Variants in ZDHHC17 observed in about 807,000 individuals in gnomAD.
ZDHHC17 encodes zDHHC palmitoyltransferase 17, also known as palmitoyltransferase ZDHHC17.
In ZDHHC17, 40 loss-of-function variants were observed where a neutral mutation model predicts 90.3. That is an observed-to-expected ratio of 0.44 (90% CI 0.34 to 0.58). The LOEUF (loss-of-function observed/expected upper bound fraction) is 0.58. ZDHHC17 is among the 20% of genes least tolerant of loss of function. ZDHHC17 has a pLI of 0.01. For missense variants in ZDHHC17, 614 were observed against 780.8 expected (o/e 0.79, Z 2.55); for synonymous variants, 235 against 252.4 (o/e 0.93, Z 0.65).
intron 7 of ZDHHC17, among the ~76,000 whole-genome samples, chr12:76,817,735 A>G (rs1953106945): frequency 6.6e-6 from 1 of 152,124 alleles, no homozygotes; most frequent in Non-Finnish European, 1.5e-5. Context: ...AAACTTTTAA[A>G]TTACTCTTAG....
intron 1 of ZDHHC17, among the ~76,000 whole-genome samples, chr12:76,781,003 A>G (rs1036257979): frequency 1.3e-5 from 2 of 151,952 alleles, no homozygotes; most frequent in Non-Finnish European, 2.9e-5. Context: ...GCGTGGTAGC[A>G]GGCGCCCGTA....
At chr12:76,805,570 T>TG in intron 3 of ZDHHC17, 131 bp downstream of exon 3, 2 of 870,158 alleles carry the variant, frequency 2.3e-6, no homozygotes, top group Non-Finnish European at 3.4e-6. Context: ...CTGTGTACCT[T>TG]GTTTTTCTGA....
In ZDHHC17 at chr12:76,764,125, CAGG is replaced by C. The variant is rs1952394611; in HGVS notation, c.-109_-107del. ...GGGGACAGAGGGGGCGTCACGGGGG[CAGG>C]AGAAGAAGGAGGAGGAGGCCCGCGT... On this transcript the variant is annotated 5_prime_UTR_variant, in exon 1 of 17. Coordinates refer to ENST00000426126, the MANE Select transcript of ZDHHC17 (RefSeq NM_015336.4). 1 of 795,868 alleles carries C rather than the reference CAGG, an allele frequency of 1.3e-6. No individual in the cohort carries two copies. The highest frequency in any genetic ancestry group is 3.9e-4 in the Middle Eastern group (1 of 2,574). 49.3% of individuals were successfully genotyped at this position (795,868 alleles called of 1,614,324 possible).
At chr12:76,812,182 C>T (rs1350180280) in intron 5 of ZDHHC17, among the ~76,000 whole-genome samples, 1 of 152,154 alleles carries the variant, frequency 6.6e-6, no homozygotes, top group Non-Finnish European at 1.5e-5. Context: ...AGACACTCTT[C>T]CAATGTGCAT....
intron 10 of ZDHHC17, among the ~76,000 whole-genome samples, chr12:76,831,832 G>T (rs1256044214): frequency 1.3e-5 from 2 of 152,242 alleles, no homozygotes; most frequent in South Asian, 2.1e-4. Context: ...TTTTTGTAGA[G>T]ACTGAGTTTT....
intron 12 of ZDHHC17, 42 bp downstream of exon 12, chr12:76,843,023 C>T (rs745819263): frequency 5.3e-6 from 8 of 1,520,022 alleles, no homozygotes; most frequent in South Asian, 1.2e-5. Context: ...TCTCTTCCTC[C>T]TGACAGTGGC....
chr12:76,801,150 T>C (rs2137750935), intron 2 of ZDHHC17, among the ~76,000 whole-genome samples: 1 of 151,354 alleles, frequency 6.6e-6, no homozygotes, highest in Non-Finnish European at 1.5e-5. Flanking sequence ...CCTCCCAAAG[T>C]GCTGGGATTA....
At position 76,794,634 on chromosome 12, in the gene ZDHHC17, G is replaced by A. The variant is rs114914101; in HGVS notation, c.94-2800G>A. Among the ~76,000 whole-genome samples the A allele has an allele frequency of 4.9e-3, 742 of 152,026 alleles. 4 individuals carry two copies. The highest frequency in any genetic ancestry group is 0.016 in the African/African-American group (663 of 41,464). On this transcript the variant is annotated intron_variant, in intron 1 of 16. Coordinates refer to ENST00000426126, the MANE Select transcript of ZDHHC17 (RefSeq NM_015336.4). Reference sequence around the variant, plus strand: ...CTAAGGAAATAAAAACAACCTTATCGGAGGCACAAAACAGATACTTACATA... The same window carrying A: ...CTAAGGAAATAAAAACAACCTTATCAGAGGCACAAAACAGATACTTACATA...
chr12:76,832,303 G>T (rs970764197), intron 10 of ZDHHC17, among the ~76,000 whole-genome samples: 1 of 152,148 alleles, frequency 6.6e-6, no homozygotes, highest in African/African-American at 2.4e-5. Context: ...ATGACCTCAG[G>T]CTCCTTTCTG....
intron 7 of ZDHHC17, among the ~76,000 whole-genome samples, chr12:76,819,235 A>T (rs1953129703): frequency 6.6e-6 from 1 of 152,188 alleles, no homozygotes; most frequent in Non-Finnish European, 1.5e-5. Flanking sequence ...TTTAATTTGA[A>T]GTGGTGTCTT....
intron 14 of ZDHHC17, 101 bp downstream of exon 14, chr12:76,846,780 C>T (rs1016892064): frequency 1.3e-4 from 135 of 1,069,304 alleles, no homozygotes; most frequent in Non-Finnish European, 1.7e-4. Flanking sequence ...GGTCGTTTAA[C>T]TAAAATTATG....
At position 76,851,969 on chromosome 12, in the gene ZDHHC17, A is replaced by G. The variant is rs702062; in HGVS notation, c.*984A>G. 0.61 allele frequency: 92,645 copies of G among 151,876 alleles called. 28,271 individuals carry two copies. The highest frequency in any genetic ancestry group is 0.67 in the East Asian group (3,442 of 5,138). The allele number at this position is 151,876 out of a possible 1,614,324, so 9.4% of individuals were successfully genotyped here. On this transcript the variant is annotated 3_prime_UTR_variant, in exon 17 of 17. Transcript: ENST00000426126. Reference sequence around the variant, plus strand: ...TTTAACTAAAGATGGAGCATGATCTAAGTACATAGCACATGTGAATAAAAG... The same window carrying G: ...TTTAACTAAAGATGGAGCATGATCTGAGTACATAGCACATGTGAATAAAAG...
intron 1 of ZDHHC17, among the ~76,000 whole-genome samples, chr12:76,768,049 T>A (rs1364736694): frequency 6.6e-6 from 1 of 152,254 alleles, no homozygotes; most frequent in African/African-American, 2.4e-5. Context: ...TTGTGAATAT[T>A]AACTAGGCTA....
rs543929457 is a variant in ZDHHC17, at chr12:76,819,227, T to C, written c.772-3179T>C. ...GGAATTGGTTCTGTTTGGTAATATT[T>C]AATTTGAAGTGGTGTCTTAGCCGTG... On this transcript the variant is annotated intron_variant, in intron 7 of 16. Transcript: ENST00000426126. Among the ~76,000 whole-genome samples, 213 of 152,312 alleles carry C rather than the reference T, an allele frequency of 1.4e-3. 1 individual carries two copies. Among genetic ancestry groups the C allele is most frequent in the African/African-American group, 4.8e-3 (200 of 41,570 alleles).
At chr12:76,775,298 A>G (rs1379384576) in intron 1 of ZDHHC17, among the ~76,000 whole-genome samples, 1 of 152,218 alleles carries the variant, frequency 6.6e-6, no homozygotes, top group African/African-American at 2.4e-5. Flanking sequence ...GGCTTGGAGA[A>G]GGAAATCCTA....
intron 2 of ZDHHC17, among the ~76,000 whole-genome samples, chr12:76,802,488 A>C (rs1002476623): frequency 6.6e-6 from 1 of 152,088 alleles, no homozygotes; most frequent in Non-Finnish European, 1.5e-5. Flanking sequence ...GGAAGTTTTC[A>C]GCTATTATTT....
chr12:76,788,092 A>G (rs1738017152), intron 1 of ZDHHC17, among the ~76,000 whole-genome samples: 1 of 152,186 alleles, frequency 6.6e-6, no homozygotes, highest in Non-Finnish European at 1.5e-5. Context: ...TCCCTTAAAA[A>G]AATGTTAGTA....
chr12:76,843,275 G>T (rs540963515), intron 12 of ZDHHC17, among the ~76,000 whole-genome samples: 5 of 152,158 alleles, frequency 3.3e-5, no homozygotes, highest in African/African-American at 1.2e-4. Flanking sequence ...AAGTATTTCA[G>T]ATCAAAGATT....
At chr12:76,787,330 A>G (rs907660460) in intron 1 of ZDHHC17, among the ~76,000 whole-genome samples, 8 of 152,214 alleles carry the variant, frequency 5.3e-5, no homozygotes, top group Admixed American at 2.0e-4. Flanking sequence ...CTCCAATGAA[A>G]TATTAAATTG....
Sources: gnomAD v4.1 joint callset for allele counts (sites outside exome capture counted in the v4.1 genomes callset) on GRCh38, gnomAD v4.1.1 for gene constraint, MANE v1.5 for transcripts, NCBI Gene and HGNC (gene_info 2026-07-23, HGNC 2026-07-21) for gene names.